Variants in ALPL observed in about 807,000 individuals in gnomAD.
ALPL encodes alkaline phosphatase, tissue-nonspecific isozyme.
A neutral mutation model predicts 51.3 loss-of-function variants in ALPL; 42 were observed. The observed-to-expected ratio is 0.82, with a 90% CI of 0.64 to 1.06. The LOEUF (loss-of-function observed/expected upper bound fraction) is 1.06, where lower values mean the gene tolerates loss of function less well. ALPL is among the 50% of genes least tolerant of loss of function. The pLI is 0.00. For missense variants in ALPL, 589 were observed against 709.4 expected (o/e 0.83, Z 1.93); for synonymous variants, 279 against 296.4 (o/e 0.94, Z 0.60).
At chr1:21,570,201 A>T (rs892196281) in intron 7 of ALPL, 104 bp from the exon 8 acceptor site, 3 of 1,162,844 alleles carry the variant, frequency 2.6e-6, no homozygotes, top group African/African-American at 3.0e-5. Context: ...TTTTTAAGTG[A>T]GGGAAGGAAA....
At chr1:21,552,105 T>TCCCCCCCCCCCCCCCCCC (rs1558542001) in intron 1 of ALPL, among the ~76,000 whole-genome samples, 12 of 22,826 alleles carry the variant, frequency 5.3e-4, no homozygotes, top group Non-Finnish European at 7.7e-4. Context: ...TCCCTTCCCT[T>TCCCCCCCCCCCCCCCCCC]TCCTCCCCTT....
chr1:21,537,331 C>T (rs1027632028), intron 1 of ALPL, among the ~76,000 whole-genome samples: 10 of 152,206 alleles, frequency 6.6e-5, no homozygotes, highest in African/African-American at 4.8e-5. Flanking sequence ...CCACTGATCT[C>T]AGCCTCTCTG....
chr1:21,561,525 G>A (rs940023125), intron 4 of ALPL, among the ~76,000 whole-genome samples: 3 of 152,122 alleles, frequency 2.0e-5, no homozygotes, highest in African/African-American at 7.2e-5. Context: ...GAGTAGCTGG[G>A]ACTACAGGTG....
intron 1 of ALPL, among the ~76,000 whole-genome samples, chr1:21,550,347 C>T (rs999309731): frequency 1.3e-5 from 2 of 152,166 alleles, no homozygotes; most frequent in African/African-American, 4.8e-5. Context: ...CTGCAACTTC[C>T]TGTTGGTAAC....
intron 1 of ALPL, among the ~76,000 whole-genome samples, chr1:21,538,611 C>T (rs1644141763): frequency 6.6e-6 from 1 of 152,190 alleles, no homozygotes. Flanking sequence ...GCCATCTGCA[C>T]AATGGACACA....
At chr1:21,572,637 C>T (rs1029029824) in intron 8 of ALPL, among the ~76,000 whole-genome samples, 4 of 152,128 alleles carry the variant, frequency 2.6e-5, no homozygotes, top group Non-Finnish European at 5.9e-5. Flanking sequence ...ACCAAGTGAA[C>T]CCTGTGTGCA....
chr1:21,543,918 G>A (rs567309983), intron 1 of ALPL, among the ~76,000 whole-genome samples: 4 of 152,324 alleles, frequency 2.6e-5, no homozygotes, highest in African/African-American at 9.6e-5. Context: ...GGTGTCCTTG[G>A]AGCAGGCCTG....
At chr1:21,563,760 C>T (rs1455799769) in intron 5 of ALPL, among the ~76,000 whole-genome samples, 1 of 151,108 alleles carries the variant, frequency 6.6e-6, no homozygotes, top group African/African-American at 2.5e-5. Context: ...CTCAGGGGTC[C>T]TGTGGGCGCC....
Position 21,564,289 on chromosome 1 carries a change from A to T in ALPL, c.648+73A>T, listed in dbSNP as rs953191402. 1.9e-6 allele frequency: 3 copies of T among 1,582,398 alleles called. No homozygotes were observed. Among genetic ancestry groups the T allele is most frequent in the East Asian group, 2.2e-5 (1 of 44,546 alleles). ...CTGGTGGGCAGGAGGCCTCAGGCCCAGGCTGGCCCGGAGAAAGCAGCCTGG... is the reference window on the plus strand; with the variant it reads ...CTGGTGGGCAGGAGGCCTCAGGCCCTGGCTGGCCCGGAGAAAGCAGCCTGG... On this transcript the variant is annotated intron_variant, in intron 6 of 11. Coordinates refer to ENST00000374840, the MANE Select transcript of ALPL (RefSeq NM_000478.6). This position sits in a 1 kb window ranked among gnomAD's most constrained non-coding sequence, Gnocchi z 5.8.
At chr1:21,574,034 TG>T (rs1644691416) in intron 9 of ALPL, 1 of 985,336 alleles carries the variant, frequency 1.0e-6, no homozygotes, top group Admixed American at 6.1e-5. Context: ...GAAGGCTTCC[TG>T]GGAGAGGAGG....
chr1:21,520,216 C>T (rs762071620), intron 1 of ALPL, among the ~76,000 whole-genome samples: 2 of 152,098 alleles, frequency 1.3e-5, no homozygotes, highest in Admixed American at 1.3e-4. Flanking sequence ...CCTTGACTTC[C>T]TGGGCTCAAG....
chr1:21,552,957 C>T (rs1014459101), intron 1 of ALPL, among the ~76,000 whole-genome samples: 27 of 152,134 alleles, frequency 1.8e-4, no homozygotes, highest in Non-Finnish European at 3.4e-4. Context: ...AGGGTTAGTA[C>T]ATTTCTCAGC....
intron 10 of ALPL, among the ~76,000 whole-genome samples, 195 bp from the exon 11 acceptor site, chr1:21,576,327 G>C (rs1374101792): frequency 1.3e-5 from 2 of 149,710 alleles, no homozygotes; most frequent in African/African-American, 4.9e-5. Flanking sequence ...GAATGGGAGG[G>C]ACATGGGTAC....
chr1:21,575,252 C>T (rs1291347372), intron 9 of ALPL, among the ~76,000 whole-genome samples: 2 of 152,142 alleles, frequency 1.3e-5, no homozygotes, highest in African/African-American at 4.8e-5. Context: ...TGGGCTTCCC[C>T]ACACTAGGCC....
chr1:21,549,131 G>A (rs1467083412), intron 1 of ALPL, among the ~76,000 whole-genome samples: 3 of 152,154 alleles, frequency 2.0e-5, no homozygotes, highest in African/African-American at 4.8e-5. Context: ...CAGGTTCTTG[G>A]CATAAAGCCT....
At chr1:21,518,095 C>T (rs1643834279) in intron 1 of ALPL, among the ~76,000 whole-genome samples, 1 of 152,020 alleles carries the variant, frequency 6.6e-6, no homozygotes, top group South Asian at 2.1e-4. Context: ...GTACCAGGGC[C>T]CACCCCAGGT....
intron 1 of ALPL, among the ~76,000 whole-genome samples, chr1:21,541,871 C>T (rs193003507): frequency 1.9e-3 from 292 of 152,262 alleles, no homozygotes; most frequent in African/African-American, 6.8e-3. Context: ...CACCAGGCCT[C>T]TGGGGTACTT....
intron 2 of ALPL, among the ~76,000 whole-genome samples, chr1:21,556,127 A>T (rs1277025474): frequency 1.3e-5 from 2 of 152,118 alleles, no homozygotes; most frequent in African/African-American, 4.8e-5. Context: ...ACAGCATGGC[A>T]TGGTGTTTTC....
rs868699761 is a variant in ALPL, at chr1:21,554,552, G to A, written c.61+410G>A. On this transcript the variant is annotated intron_variant, in intron 2 of 11. Coordinates refer to ENST00000374840, the MANE Select transcript of ALPL (RefSeq NM_000478.6). ...GTTGCCCAAGCTAGAGTGCAGTGGC[G>A]CCATCTTGGCTCACTGCAAGCTCTG... is the stretch of plus-strand genomic sequence containing the variant. Among the ~76,000 whole-genome samples the A allele has an allele frequency of 1.0e-4, 15 of 148,938 alleles. No homozygotes were observed. In the East Asian group the frequency reaches 1.2e-3, roughly 12 times the overall value.
Sources: gnomAD v4.1 joint callset for allele counts (sites outside exome capture counted in the v4.1 genomes callset) on GRCh38, gnomAD v4.1.1 for gene constraint, Gnocchi (gnomAD v3.1) non-coding constraint, MANE v1.5 for transcripts, NCBI Gene and HGNC (gene_info 2026-07-23, HGNC 2026-07-21) for gene names.